The following WWOX variants were observed in gnomAD, a reference collection of about 807,000 sequenced individuals.
The protein encoded by WWOX is WW domain containing oxidoreductase.
Under a neutral mutation model 46.2 loss-of-function variants are expected in WWOX, and 69 were observed. That is an observed-to-expected ratio of 1.49 (90% CI 1.23 to 1.82). The LOEUF (loss-of-function observed/expected upper bound fraction) is 1.82. WWOX is among the 40% of genes most tolerant of loss of function. The probability of loss-of-function intolerance (pLI) is 0.00; values close to 1 mark genes in which losing one functional copy is unlikely to be tolerated. For missense variants in WWOX, 919 were observed against 542.6 expected, an observed-to-expected ratio of 1.69 and a Z score of -6.89; for synonymous variants, 359 against 202.6, an observed-to-expected ratio of 1.77 and a Z score of -6.56.
At chr16:78,472,360 A>C (rs1215064392) in intron 8 of WWOX, among the ~76,000 whole-genome samples, 1 of 152,222 alleles carries the variant, frequency 6.6e-6, no homozygotes, top group Non-Finnish European at 1.5e-5. Context: ...TTCATTTTTA[A>C]ATAATGAAAA....
intron 8 of WWOX, chr16:79,206,081 C>T (rs1453261116): frequency 1.3e-5 from 2 of 152,128 alleles, no homozygotes; most frequent in African/African-American, 4.8e-5. Context: ...CATTTTTGTT[C>T]ATCCAAATGG....
At chr16:78,261,788 C>A (rs12929183) in intron 5 of WWOX, among the ~76,000 whole-genome samples, 12,802 of 71,624 alleles carry the variant, frequency 0.18, 879 homozygotes, top group East Asian at 0.46. Flanking sequence ...ATCTATCTAT[C>A]TATATATATA....
At chr16:79,103,979 A>G (rs1226338334) in intron 8 of WWOX, among the ~76,000 whole-genome samples, 1 of 132,950 alleles carries the variant, frequency 7.5e-6, no homozygotes, top group South Asian at 2.5e-4. Flanking sequence ...TTTATGTACT[A>G]TAGTCAGTAA....
chr16:79,212,087 G>T lies in WWOX; in HGVS notation c.*291G>T. ...GGTGTGTAGGTTCCGTATCTCCCTG[G>T]AGAAGCACCAGCAATTCTCTTTCTT... On this transcript the variant is annotated 3_prime_UTR_variant, in exon 9 of 9. Transcript: ENST00000566780. 1 of 1,536,254 alleles carries T rather than the reference G, an allele frequency of 6.5e-7. No individual in the cohort carries two copies. The highest frequency in any genetic ancestry group is 8.7e-7 in the Non-Finnish European group (1 of 1,146,912).
intron 5 of WWOX, among the ~76,000 whole-genome samples, chr16:78,307,284 G>T (rs770513829): frequency 3.3e-5 from 5 of 152,196 alleles, no homozygotes; most frequent in African/African-American, 9.7e-5. Flanking sequence ...AATAGAGTAC[G>T]CTTCTAGGCT....
rs568750019 is a variant in WWOX, at chr16:79,160,861, CACAT to C, written c.1057-50741_1057-50738del. Among the ~76,000 whole-genome samples, 28 of 146,344 alleles carry C rather than the reference CACAT, an allele frequency of 1.9e-4. No individual in the cohort carries two copies. The South Asian group carries it at 6.2e-3, about 32-fold the overall frequency. ...ATGCATGTGTGTACGTATACACGCA[CACAT>C]ACATAAATTGTGTACATACACATAT... On this transcript the variant is annotated intron_variant, in intron 8 of 8. Coordinates refer to ENST00000566780, the MANE Select transcript of WWOX (RefSeq NM_016373.4).
In WWOX at chr16:78,785,338, C is replaced by G. The variant is rs556054333; in HGVS notation, c.1056+352586C>G. On this transcript the variant is annotated intron_variant, in intron 8 of 8. Coordinates refer to ENST00000566780, the MANE Select transcript of WWOX (RefSeq NM_016373.4). ...TTTGAGCACCCTGCTCTGAATGTTT[C>G]TTGGGCAGCAGCAGCTAGGGAAGAA... 9.2e-5 allele frequency among the ~76,000 whole-genome samples: 14 copies of G among 152,284 alleles called. No homozygotes were observed. In the East Asian group the frequency reaches 2.3e-3, roughly 25 times the overall value.
intron 8 of WWOX, among the ~76,000 whole-genome samples, chr16:78,757,299 C>T (rs937239342): frequency 1.3e-5 from 2 of 151,352 alleles, no homozygotes; most frequent in African/African-American, 4.8e-5. Flanking sequence ...GTAAGAAAAC[C>T]AGTTAATTGT....
At chr16:78,509,589 C>T (rs1218824156) in intron 8 of WWOX, among the ~76,000 whole-genome samples, 1 of 152,148 alleles carries the variant, frequency 6.6e-6, no homozygotes, top group African/African-American at 2.4e-5. Flanking sequence ...TGCCAGTGTG[C>T]AATGCTTCCC....
chr16:78,995,799 G>T (rs1462074780), intron 8 of WWOX, among the ~76,000 whole-genome samples: 2 of 152,200 alleles, frequency 1.3e-5, no homozygotes, highest in Non-Finnish European at 2.9e-5. Context: ...ATTGAAAGGG[G>T]CATCATTGCA....
chr16:78,782,515 T>C (rs1248685004), intron 8 of WWOX, among the ~76,000 whole-genome samples: 1 of 152,142 alleles, frequency 6.6e-6, no homozygotes, highest in African/African-American at 2.4e-5. Flanking sequence ...CCAAACTACT[T>C]GGTAATTGAA....
At chr16:78,671,799 T>C (rs2047471770) in intron 8 of WWOX, among the ~76,000 whole-genome samples, 1 of 152,170 alleles carries the variant, frequency 6.6e-6, no homozygotes, top group African/African-American at 2.4e-5. Flanking sequence ...CAATTTGCCT[T>C]GCTAATAAAA....
intron 4 of WWOX, among the ~76,000 whole-genome samples, chr16:78,151,273 T>C (rs2034397288): frequency 6.6e-6 from 1 of 152,104 alleles, no homozygotes; most frequent in Admixed American, 6.5e-5. Context: ...CACAGTCACA[T>C]GGTGATTGTG....
chr16:78,552,661 G>A (rs1454033924), intron 8 of WWOX: 1 of 152,214 alleles, frequency 6.6e-6, no homozygotes, highest in East Asian at 1.9e-4. Flanking sequence ...AGTAGAAGAG[G>A]ACTTCTGCAT....
intron 5 of WWOX, among the ~76,000 whole-genome samples, chr16:78,338,374 C>G (rs1222922524): frequency 2.5e-5 from 3 of 120,610 alleles, no homozygotes. Context: ...GTTGTTTTCC[C>G]CAGTTGTAAA....
chr16:78,963,002 C>T (rs1413546647), intron 8 of WWOX, among the ~76,000 whole-genome samples: 1 of 152,156 alleles, frequency 6.6e-6, no homozygotes, highest in Non-Finnish European at 1.5e-5. Context: ...TGCCATCCTA[C>T]CAACAGTTTG....
chr16:78,945,599 G>A (rs966882487), intron 8 of WWOX, among the ~76,000 whole-genome samples: 1 of 151,854 alleles, frequency 6.6e-6, no homozygotes, highest in Non-Finnish European at 1.5e-5. Context: ...TTGGTTTGTT[G>A]GCTTATGTTC....
chr16:79,101,212 A>G (rs2049186045), intron 8 of WWOX: 1 of 152,222 alleles, frequency 6.6e-6, no homozygotes, highest in South Asian at 2.1e-4. Flanking sequence ...CTTTGGAGAC[A>G]TTTCAGAAAG....
chr16:78,862,826 C>G (rs1488890984), intron 8 of WWOX, among the ~76,000 whole-genome samples: 4 of 152,244 alleles, frequency 2.6e-5, no homozygotes, highest in South Asian at 4.2e-4. Flanking sequence ...ACTCATAGTA[C>G]TAATCGAAAC....
Sources: gnomAD v4.1 joint callset for allele counts (sites outside exome capture counted in the v4.1 genomes callset) on GRCh38, gnomAD v4.1.1 for gene constraint, MANE v1.5 for transcripts, NCBI Gene and HGNC (gene_info 2026-07-23, HGNC 2026-07-21) for gene names.